FSTL4: variants seen among roughly 807,000 people sequenced by gnomAD.
The protein encoded by FSTL4 is follistatin-related protein 4.
Under a neutral mutation model 78.2 loss-of-function variants are expected in FSTL4, and 28 were observed. That is an observed-to-expected ratio of 0.36 (90% confidence interval 0.27 to 0.49). The LOEUF (loss-of-function observed/expected upper bound fraction) is 0.49. FSTL4 is among the 20% of genes least tolerant of loss of function. FSTL4 has a pLI of 0.98. For synonymous variants in FSTL4, 422 were observed against 440.5 expected (o/e 0.96, Z 0.53); for missense variants, 922 against 1,084.9 (o/e 0.85, Z 2.11).
chr5:133,517,053 G>A (rs1034273673), intron 3 of FSTL4, among the ~76,000 whole-genome samples: 4 of 150,536 alleles, frequency 2.7e-5, no homozygotes, highest in Non-Finnish European at 5.9e-5. Context: ...CTCCAGCCTG[G>A]GAGATAGAGT....
At chr5:133,680,511 C>T in the FSTL4 span, among the ~76,000 whole-genome samples, 2 of 152,246 alleles carry the variant, frequency 1.3e-5, no homozygotes, top group Admixed American at 1.3e-4. Flanking sequence ...AATACAAGGC[C>T]TCCACTTCTT....
At chr5:133,582,666 C>T (rs1292903290) in intron 2 of FSTL4, among the ~76,000 whole-genome samples, 1 of 152,194 alleles carries the variant, frequency 6.6e-6, no homozygotes, top group Non-Finnish European at 1.5e-5. Context: ...CCTGTCAACA[C>T]TGCTCCCTCA....
At chr5:133,240,103 C>T (rs940576122) in intron 7 of FSTL4, among the ~76,000 whole-genome samples, 2 of 152,234 alleles carry the variant, frequency 1.3e-5, no homozygotes, top group Non-Finnish European at 1.5e-5. Context: ...GCAACACTCA[C>T]CCTGAAGGTC....
the FSTL4 span, among the ~76,000 whole-genome samples, chr5:133,811,863 G>A: frequency 6.6e-6 from 1 of 152,164 alleles, no homozygotes; most frequent in African/African-American, 2.4e-5. Context: ...CCTCTGAGCT[G>A]TATCCTGGGT....
the FSTL4 span, among the ~76,000 whole-genome samples, chr5:133,666,133 C>G: frequency 6.6e-6 from 1 of 151,946 alleles, no homozygotes; most frequent in East Asian, 1.9e-4. Flanking sequence ...TAAGACCCAG[C>G]AGAATCTCAT....
intron 6 of FSTL4, among the ~76,000 whole-genome samples, chr5:133,260,328 C>T (rs946658653): frequency 6.6e-6 from 1 of 152,224 alleles, no homozygotes. Context: ...ATAAATATAA[C>T]TTGTTTTCTG....
chr5:133,563,892 T>C (rs1239377534), intron 3 of FSTL4, among the ~76,000 whole-genome samples: 1 of 152,240 alleles, frequency 6.6e-6, no homozygotes, highest in African/African-American at 2.4e-5. Flanking sequence ...TAAAGTTTAC[T>C]GAGTCCAACA....
chr5:133,400,797 G>C lies in FSTL4; in HGVS notation c.350C>G (p.Ala117Gly). 6.2e-7 allele frequency: 1 copy of C among 1,614,026 alleles called. No homozygotes were observed. Among genetic ancestry groups the C allele is most frequent in the Non-Finnish European group, 8.5e-7 (1 of 1,179,924 alleles). Residue 117 changes from alanine (A) to glycine (G), a missense_variant, in exon 4 of 16, where the codon GCT becomes GGT. Ala to Gly is a moderately conservative substitution (Grantham distance 60). Coordinates refer to ENST00000265342, the MANE Select transcript of FSTL4 (RefSeq NM_015082.2). ...FYENHCKLHR[A>G]ACLLGKRITV... ...GATCCTCTTTCCCAGGAGGCAAGCA[G>C]CACGGTGGAGCTTACAGTGGTTTTC...
intron 6 of FSTL4, among the ~76,000 whole-genome samples, chr5:133,307,623 A>G (rs1013896966): frequency 2.0e-5 from 3 of 152,110 alleles, no homozygotes; most frequent in African/African-American, 7.2e-5. Flanking sequence ...ATTCAAATGG[A>G]ACACTGACTG....
the FSTL4 span, among the ~76,000 whole-genome samples, chr5:133,795,485 G>A: frequency 6.6e-6 from 1 of 152,124 alleles, no homozygotes; most frequent in East Asian, 1.9e-4. Context: ...TATGACAAAA[G>A]GGATCTGTGA....
the FSTL4 span, among the ~76,000 whole-genome samples, chr5:133,715,168 A>G: frequency 3.9e-5 from 6 of 152,260 alleles, no homozygotes; most frequent in African/African-American, 1.2e-4. Flanking sequence ...AAGCAAACAA[A>G]TTAGGATAGA....
At chr5:133,352,906 G>A (rs563350525) in intron 4 of FSTL4, among the ~76,000 whole-genome samples, 1 of 152,004 alleles carries the variant, frequency 6.6e-6, no homozygotes, top group Non-Finnish European at 1.5e-5. Flanking sequence ...ATAGCTTATT[G>A]CTTTAAATAT....
At chr5:133,614,136 C>T (rs1433884042), upstream of FSTL4, among the ~76,000 whole-genome samples, 2 of 152,252 alleles carry the variant, frequency 1.3e-5, no homozygotes, top group African/African-American at 2.4e-5. Context: ...GGATTCGGCT[C>T]TCCTCTAAGA....
chr5:133,694,750 G>T, the FSTL4 span, among the ~76,000 whole-genome samples: 4 of 152,320 alleles, frequency 2.6e-5, no homozygotes, highest in African/African-American at 9.6e-5. Context: ...TCCGGAGGCT[G>T]CAAAGACCTA....
chr5:133,769,620 G>A, the FSTL4 span, among the ~76,000 whole-genome samples: 1 of 152,104 alleles, frequency 6.6e-6, no homozygotes, highest in Non-Finnish European at 1.5e-5. Context: ...CCTTCTGTGG[G>A]GTTATAGATG....
chr5:133,534,020 G>A (rs1759305617), intron 3 of FSTL4, among the ~76,000 whole-genome samples: 1 of 152,044 alleles, frequency 6.6e-6, no homozygotes, highest in Admixed American at 6.6e-5. Context: ...GTCTTCATCT[G>A]TTTTGTGCTA....
intron 3 of FSTL4, among the ~76,000 whole-genome samples, chr5:133,519,699 A>G (rs75535822): frequency 0.067 from 10,197 of 152,222 alleles, 374 homozygotes; most frequent in Non-Finnish European, 0.079. Context: ...GATGCCTTTT[A>G]TAGAGAATTT....
intron 3 of FSTL4, among the ~76,000 whole-genome samples, chr5:133,475,316 T>C (rs1483338754): frequency 6.6e-6 from 1 of 152,220 alleles, no homozygotes; most frequent in Non-Finnish European, 1.5e-5. Context: ...GGCTCTGCAG[T>C]AATAGTTCAA....
intron 4 of FSTL4, among the ~76,000 whole-genome samples, chr5:133,373,489 G>A (rs906764094): frequency 1.3e-5 from 2 of 152,236 alleles, no homozygotes; most frequent in Non-Finnish European, 2.9e-5. Context: ...TAGAAGCAGA[G>A]ATCCACTGGA....
Sources: gnomAD v4.1 joint callset for allele counts (sites outside exome capture counted in the v4.1 genomes callset) on GRCh38, gnomAD v4.1.1 for gene constraint, MANE v1.5 for transcripts, NCBI Gene and HGNC (gene_info 2026-07-23, HGNC 2026-07-21) for gene names.